Variants in ACSM3 observed in about 807,000 individuals in gnomAD.
The protein encoded by ACSM3 is acyl-coenzyme A synthetase ACSM3, mitochondrial.
ACSM3 carries 61 observed loss-of-function variants against 74.1 expected under a neutral mutation model. That is an observed-to-expected ratio of 0.82 (90% CI 0.67 to 1.02). The LOEUF (loss-of-function observed/expected upper bound fraction) is 1.02. Ranked by LOEUF, ACSM3 falls within the 50% of genes least tolerant of loss-of-function variation. The pLI, the probability that ACSM3 is intolerant of heterozygous loss-of-function variation, is 0.00. For missense variants in ACSM3, 660 were observed against 697.0 expected (o/e 0.95, Z 0.60); for synonymous variants, 213 against 241.5 (o/e 0.88, Z 1.09).
chr16:20,766,300 C>T (rs796362757), intron 1 of ACSM3, among the ~76,000 whole-genome samples: 10 of 136,296 alleles, frequency 7.3e-5, no homozygotes, highest in African/African-American at 2.5e-4. Flanking sequence ...GATAGGGGAC[C>T]GGTTTAAGAA....
chr16:20,720,968 A>T (rs1373145929), intron 1 of ACSM3: 1 of 152,232 alleles, frequency 6.6e-6, no homozygotes, highest in African/African-American at 2.4e-5. Context: ...TAAGTTTAAT[A>T]CAAATTACCA....
chr16:20,742,152 G>A, intron 1 of ACSM3: 2 of 899,840 alleles, frequency 2.2e-6, no homozygotes, highest in Non-Finnish European at 3.0e-6. Flanking sequence ...GAACTCAATT[G>A]AACGTGGACA....
chr16:20,725,470 C>T (rs1164222754), intron 1 of ACSM3: 4 of 202,662 alleles, frequency 2.0e-5, no homozygotes, highest in African/African-American at 9.3e-5. Flanking sequence ...CCACTTGAAC[C>T]ACAAATGATA....
intron 1 of ACSM3, chr16:20,737,744 G>A (rs2079882717): frequency 6.2e-7 from 1 of 1,613,538 alleles, no homozygotes; most frequent in Non-Finnish European, 8.5e-7. Flanking sequence ...CTATTCACAT[G>A]ACTGTTATTT....
intron 1 of ACSM3, among the ~76,000 whole-genome samples, chr16:20,712,152 C>T (rs2079745968): frequency 6.6e-6 from 1 of 152,192 alleles, no homozygotes; most frequent in Admixed American, 6.5e-5. Context: ...AGCCACCACA[C>T]CTGGCCCTGT....
intron 1 of ACSM3, among the ~76,000 whole-genome samples, chr16:20,691,537 T>C (rs1271661849): frequency 6.6e-6 from 1 of 152,140 alleles, no homozygotes; most frequent in South Asian, 2.1e-4. Flanking sequence ...ATCCCTTTTG[T>C]GGTAGAGCAA....
At chr16:20,735,690 G>C (rs903261879) in intron 1 of ACSM3, 50 of 151,954 alleles carry the variant, frequency 3.3e-4, no homozygotes, top group African/African-American at 1.2e-3. Context: ...AGTTTTCTTT[G>C]AATTTCATCA....
intron 1 of ACSM3, among the ~76,000 whole-genome samples, chr16:20,710,904 G>T (rs1369469251): frequency 6.6e-6 from 1 of 152,066 alleles, no homozygotes; most frequent in African/African-American, 2.4e-5. Context: ...GGCCAACATG[G>T]TGAAACCCCA....
intron 2 of ACSM3, among the ~76,000 whole-genome samples, chr16:20,753,848 G>T (rs2080007073): frequency 7.2e-6 from 1 of 139,818 alleles, no homozygotes; most frequent in African/African-American, 2.7e-5. Flanking sequence ...TCTTAAGAAA[G>T]AAATGAAAAG....
chr16:20,797,378 A>C lies in ACSM3; in HGVS notation c.*406A>C. 1.0e-6 allele frequency: 1 copy of C among 985,262 alleles called. No individual in the cohort carries two copies. The highest frequency in any genetic ancestry group is 1.2e-6 in the Non-Finnish European group (1 of 824,638). 61.0% of individuals were successfully genotyped at this position (985,262 alleles called of 1,614,324 possible). A position where few individuals can be genotyped will look rare whatever the true frequency, so the allele number is the denominator to read the frequency against. ...AAAGAACTTATAAAAGTTTTTAGAA[A>C]AATATAAAATATCAGTTAGAAGATT... is the stretch of plus-strand genomic sequence containing the variant. On this transcript the variant is annotated 3_prime_UTR_variant, in exon 14 of 14. Transcript: ENST00000289416.
At chr16:20,769,639 TCTTTA>T (rs2080166948) in intron 1 of ACSM3, among the ~76,000 whole-genome samples, 1 of 152,238 alleles carries the variant, frequency 6.6e-6, no homozygotes, top group African/African-American at 2.4e-5. Flanking sequence ...GTGACCCAGA[TCTTTA>T]CTTCTTTAGA....
chr16:20,730,698 A>G (rs1323732624), intron 1 of ACSM3, among the ~76,000 whole-genome samples: 2 of 152,188 alleles, frequency 1.3e-5, no homozygotes, highest in African/African-American at 4.8e-5. Context: ...AGCAGAAGTA[A>G]CCACCAATTA....
At chr16:20,726,010 C>G (rs1215588451) in intron 1 of ACSM3, among the ~76,000 whole-genome samples, 3 of 152,066 alleles carry the variant, frequency 2.0e-5, no homozygotes, top group Non-Finnish European at 4.4e-5. Context: ...CCTAATGTCT[C>G]CTGGGGGGCA....
intron 1 of ACSM3, among the ~76,000 whole-genome samples, chr16:20,684,926 A>G (rs2079518872): frequency 1.3e-5 from 2 of 152,072 alleles, no homozygotes; most frequent in South Asian, 2.1e-4. Context: ...TGTGAGGGAG[A>G]GAATAAGAGA....
At chr16:20,723,628 T>C (rs1406251741) in intron 1 of ACSM3, among the ~76,000 whole-genome samples, 1 of 152,356 alleles carries the variant, frequency 6.6e-6, no homozygotes, top group South Asian at 2.1e-4. Flanking sequence ...AGTTCTCTGA[T>C]GGCCAGTGAT....
chr16:20,692,590 T>C (rs972694525), intron 1 of ACSM3, among the ~76,000 whole-genome samples: 5 of 152,196 alleles, frequency 3.3e-5, no homozygotes, highest in African/African-American at 1.2e-4. Context: ...TGGCTCTTAG[T>C]TGATTGTCTC....
intron 1 of ACSM3, among the ~76,000 whole-genome samples, chr16:20,707,935 T>G (rs1354701838): frequency 1.3e-5 from 2 of 152,146 alleles, no homozygotes; most frequent in East Asian, 3.8e-4. Context: ...ATAATTATCT[T>G]AAAGAAGGTC....
In ACSM3 at chr16:20,777,534, T is replaced by C. The variant is rs1180015453; in HGVS notation, c.592T>C (p.Ser198Pro). The change falls in exon 4 of 14, where the codon TCA becomes CCA. Residue 198 changes from serine to proline, a missense_variant. Ser to Pro is a moderately conservative substitution (Grantham distance 74, BLOSUM62 -1). Transcript: ENST00000289416. ...AAATCTGCACTCCAAGCTGATTGTA[T>C]CAGAGAACTCCAGAGAGGGGTGGGG... is the stretch of plus-strand genomic sequence containing the variant. ...CENLHSKLIV[S>P]ENSREGWGNL... The C allele has an allele frequency of 2.5e-6, 4 of 1,614,028 alleles. No homozygotes were observed. Among genetic ancestry groups the C allele is most frequent in the Non-Finnish European group, 3.4e-6 (4 of 1,180,004 alleles).
At chr16:20,776,154 G>T in intron 3 of ACSM3, 105 bp downstream of exon 3, 1 of 1,216,634 alleles carries the variant, frequency 8.2e-7, no homozygotes, top group East Asian at 2.5e-5. Flanking sequence ...TGGGCTTATT[G>T]TCAAAGAGTG....
Sources: gnomAD v4.1 joint callset for allele counts (sites outside exome capture counted in the v4.1 genomes callset) on GRCh38, gnomAD v4.1.1 for gene constraint, MANE v1.5 for transcripts, NCBI Gene and HGNC (gene_info 2026-07-23, HGNC 2026-07-21) for gene names.